The following CCDC158 variants were observed in gnomAD, a reference collection of about 807,000 sequenced individuals.
CCDC158 encodes the protein coiled-coil domain containing 158, also known as coiled-coil domain-containing protein 158.
CCDC158 carries 116 observed loss-of-function variants against 138.6 expected under a neutral mutation model. The observed-to-expected ratio is 0.84, with a 90% CI of 0.72 to 0.98. The LOEUF is 0.98. Among genes scored for constraint, CCDC158 ranks in the 50% least tolerant of loss-of-function variants. The probability of loss-of-function intolerance (pLI) is 0.00; values close to 1 mark genes in which losing one functional copy is unlikely to be tolerated. For missense variants in CCDC158, 1,265 were observed against 1,306.1 expected, an observed-to-expected ratio of 0.97 and a Z score of 0.48; for synonymous variants, 436 against 442.4, an observed-to-expected ratio of 0.99 and a Z score of 0.18.
intron 9 of CCDC158, among the ~76,000 whole-genome samples, chr4:76,373,990 C>T (rs760495459): frequency 1.3e-5 from 2 of 151,636 alleles, no homozygotes; most frequent in Non-Finnish European, 2.9e-5. Context: ...CCCATCTCTA[C>T]AAAAATAAAA....
At chr4:76,377,712 T>C (rs1255615819) in intron 9 of CCDC158, among the ~76,000 whole-genome samples, 1 of 152,166 alleles carries the variant, frequency 6.6e-6, no homozygotes, top group Admixed American at 6.5e-5. Flanking sequence ...TGACCTTTTG[T>C]TTGTTGAGTG....
At chr4:76,345,355 A>G in intron 18 of CCDC158, 1 of 1,111,238 alleles carries the variant, frequency 9.0e-7, no homozygotes, top group East Asian at 2.3e-5. Flanking sequence ...AAAGCTCTGG[A>G]TAAGGCCCGG....
intron 11 of CCDC158, among the ~76,000 whole-genome samples, chr4:76,368,428 C>T (rs984924447): frequency 5.9e-5 from 9 of 152,186 alleles, no homozygotes; most frequent in Admixed American, 6.5e-5. Context: ...CATCTTTCTT[C>T]TTGCCCAGGT....
At chr4:76,344,436 G>C (rs1237025059) in intron 18 of CCDC158, 2 of 628,470 alleles carry the variant, frequency 3.2e-6, no homozygotes, top group East Asian at 2.7e-5. Flanking sequence ...TGAGTTGTAA[G>C]TGAAGTTTGG....
intron 3 of CCDC158, 99 bp from the exon 4 acceptor site, chr4:76,396,585 A>AC: frequency 1.2e-6 from 1 of 809,212 alleles, no homozygotes; most frequent in Non-Finnish European, 1.9e-6. Context: ...GATCTTGCTC[A>AC]CTGCAACCTC....
At chr4:76,411,971 A>G (rs1729332474) in intron 2 of CCDC158, 119 bp downstream of exon 2, 1 of 152,194 alleles carries the variant, frequency 6.6e-6, no homozygotes, top group Non-Finnish European at 1.5e-5. Context: ...CTAGGCATCC[A>G]TCAAATTCAA....
intron 3 of CCDC158, among the ~76,000 whole-genome samples, chr4:76,400,728 G>A (rs945447041): frequency 6.6e-6 from 1 of 152,024 alleles, no homozygotes; most frequent in African/African-American, 2.4e-5. Context: ...TGACTTTGAA[G>A]TGGAAAATCC....
intron 18 of CCDC158, among the ~76,000 whole-genome samples, chr4:76,349,903 G>A (rs1477745379): frequency 6.6e-6 from 1 of 152,054 alleles, no homozygotes; most frequent in Non-Finnish European, 1.5e-5. Context: ...TTGTTAGAGA[G>A]GAAAAGATCA....
chr4:76,354,925 T>G (rs1289157730), intron 15 of CCDC158, among the ~76,000 whole-genome samples: 1 of 152,202 alleles, frequency 6.6e-6, no homozygotes, highest in African/African-American at 2.4e-5. Context: ...TTTTATTAGG[T>G]TCCTATTATT....
chr4:76,367,429 C>G lies in CCDC158; in HGVS notation c.1695G>C (p.Glu565Asp), dbSNP rs758596093. Reference protein sequence around the residue: ...LQMTEKDKVIEILRQQIENMT... With the variant: ...LQMTEKDKVIDILRQQIENMT... ...TGTTCTCAATCTGCTGTCGCAGAAT[C>G]TCGATCACCTTGTCCTTCTCTGTCA... The change falls in exon 12 of 25, where the codon GAG becomes GAC. Residue 565 changes from glutamate (E) to aspartate (D), a missense_variant. By Grantham distance (45) the Glu-to-Asp change is conservative. Transcript: ENST00000682701. 54 of 1,614,136 alleles carry G rather than the reference C, an allele frequency of 3.3e-5. No homozygotes were observed. Among genetic ancestry groups the G allele is most frequent in the Non-Finnish European group, 4.3e-5 (51 of 1,180,056 alleles).
At chr4:76,404,763 G>A (rs1579095580) in intron 2 of CCDC158, among the ~76,000 whole-genome samples, 1 of 152,082 alleles carries the variant, frequency 6.6e-6, no homozygotes, top group East Asian at 1.9e-4. Flanking sequence ...GGTGGCTCAT[G>A]CCTGTAATCC....
Position 76,382,768 on chromosome 4 carries a change from G to C in CCDC158, c.804-48C>G, listed in dbSNP as rs781688896. Reference sequence around the variant, plus strand: ...GTCATTTGATACAGAAGATTTTCCTGACTATGAATTATTTTAAAAATTAAT... The same window carrying C: ...GTCATTTGATACAGAAGATTTTCCTCACTATGAATTATTTTAAAAATTAAT... On this transcript the variant is annotated intron_variant, in intron 7 of 24. Transcript: ENST00000682701. The C allele has an allele frequency of 4.9e-6, 6 of 1,233,548 alleles. No individual in the cohort carries two copies. In the South Asian group the frequency reaches 7.8e-5, roughly 16 times the overall value. The allele number at this position is 1,233,548 out of a possible 1,614,324, so 76.4% of individuals were successfully genotyped here. A position where few individuals can be genotyped will look rare whatever the true frequency, so the allele number is the denominator to read the frequency against.
At chr4:76,366,723 G>C (rs12649922) in intron 12 of CCDC158, among the ~76,000 whole-genome samples, 1,781 of 151,994 alleles carry the variant, frequency 0.012, 73 homozygotes, top group Admixed American at 0.084. Context: ...TTCAGAAGGA[G>C]ACCAAAACAG....
chr4:76,344,923 T>C (rs1722398478), intron 18 of CCDC158: 1 of 1,532,192 alleles, frequency 6.5e-7, no homozygotes, highest in Non-Finnish European at 9.0e-7. Flanking sequence ...AAGAAATGTT[T>C]GGTGGCTTCT....
chr4:76,375,644 A>C, intron 9 of CCDC158: 1 of 702,246 alleles, frequency 1.4e-6, no homozygotes, highest in Non-Finnish European at 2.6e-6. Flanking sequence ...CCAAATCTAC[A>C]GAGCCAATAG....
intron 8 of CCDC158, 29 bp downstream of exon 8, chr4:76,382,581 T>C (rs374583643): frequency 4.0e-4 from 512 of 1,282,866 alleles, no homozygotes; most frequent in Admixed American, 1.3e-3. Flanking sequence ...AAAATGAAGA[T>C]GAATGACTAA....
chr4:76,414,401 C>T (rs1305048007), intron 1 of CCDC158: 1 of 152,064 alleles, frequency 6.6e-6, no homozygotes, highest in Non-Finnish European at 1.5e-5. Context: ...CAAGTTTCCA[C>T]CCTCATGAAT....
chr4:76,420,201 G>A (rs1188408437), intron 1 of CCDC158, among the ~76,000 whole-genome samples: 1 of 151,872 alleles, frequency 6.6e-6, no homozygotes. Context: ...CAGAGAAACA[G>A]TCCTACCTAG....
chr4:76,328,599 A>G (rs2110093823), intron 22 of CCDC158, among the ~76,000 whole-genome samples: 1 of 152,332 alleles, frequency 6.6e-6, no homozygotes, highest in South Asian at 2.1e-4. Context: ...TGATCTTTAA[A>G]TGAGGTGATG....
Sources: gnomAD v4.1 joint callset for allele counts (sites outside exome capture counted in the v4.1 genomes callset) on GRCh38, gnomAD v4.1.1 for gene constraint, MANE v1.5 for transcripts, NCBI Gene and HGNC (gene_info 2026-07-23, HGNC 2026-07-21) for gene names.